SYNE2: variants seen among roughly 807,000 people sequenced by gnomAD.
SYNE2 encodes spectrin repeat containing nuclear envelope protein 2, also known as nesprin-2.
Under a neutral mutation model 856.3 loss-of-function variants are expected in SYNE2, and 431 were observed. That is an observed-to-expected ratio of 0.50 (90% CI 0.47 to 0.55). SYNE2 has a LOEUF of 0.55. Among genes scored for constraint, SYNE2 ranks in the 20% least tolerant of loss-of-function variants. SYNE2 has a pLI of 0.00. For missense variants in SYNE2, 8,129 were observed against 8,023.2 expected (o/e 1.01, Z -0.50); for synonymous variants, 2,923 against 2,872.3 (o/e 1.02, Z -0.56).
chr14:63,825,762 C>T (rs1889405172), intron 1 of SYNE2, among the ~76,000 whole-genome samples: 1 of 152,058 alleles, frequency 6.6e-6, no homozygotes, highest in Non-Finnish European at 1.5e-5. Context: ...GTAATCCCAG[C>T]TACTCGGGAG....
chr14:63,770,803 A>T (rs575905653), intron 1 of SYNE2, among the ~76,000 whole-genome samples: 1 of 152,248 alleles, frequency 6.6e-6, no homozygotes, highest in Non-Finnish European at 1.5e-5. Context: ...TGTGTGAGCC[A>T]CTGTGCCCAA....
chr14:64,139,181 C>G (rs993091414), intron 79 of SYNE2, among the ~76,000 whole-genome samples: 1 of 151,882 alleles, frequency 6.6e-6, no homozygotes, highest in Non-Finnish European at 1.5e-5. Flanking sequence ...TGGGGTTTTT[C>G]CATGTTGCCC....
chr14:64,204,189 T>C (rs2098594308), intron 100 of SYNE2, among the ~76,000 whole-genome samples: 1 of 152,248 alleles, frequency 6.6e-6, no homozygotes, highest in African/African-American at 2.4e-5. Flanking sequence ...CTAGGCTCTG[T>C]CTTTGCTTTG....
In SYNE2 at chr14:64,220,362, C is replaced by G. The variant is rs975884187; in HGVS notation, c.19861-75C>G. The G allele has an allele frequency of 5.9e-6, 9 of 1,521,538 alleles. No homozygotes were observed. The African/African-American group carries it at 1.1e-4, about 19-fold the overall frequency. The allele number at this position is 1,521,538 out of a possible 1,614,324, so 94.3% of individuals were successfully genotyped here. On this transcript the variant is annotated intron_variant, in intron 110 of 115. Transcript: ENST00000555002. ...TGGAAAAGTGTGTGGAAAATTTGTTCCCTACTGAGGTTCAAAATGAGCCCC... is the reference window on the plus strand; with the variant it reads ...TGGAAAAGTGTGTGGAAAATTTGTTGCCTACTGAGGTTCAAAATGAGCCCC...
rs188749428 is a variant in SYNE2 at position 63,917,264 on chromosome 14, G to T, written c.79+8037G>T. Among the ~76,000 whole-genome samples the T allele has an allele frequency of 1.2e-3, 185 of 152,202 alleles. 3 individuals are homozygous for T. Among genetic ancestry groups the T allele is most frequent in the Admixed American group, 0.011 (166 of 15,282 alleles). ...TAACCAATTCAGATTACTCAGTTATGATAAATAAAAGCAAATTATCTTTGG... is the reference window on the plus strand; with the variant it reads ...TAACCAATTCAGATTACTCAGTTATTATAAATAAAAGCAAATTATCTTTGG... On this transcript the variant is annotated intron_variant, in intron 2 of 115. Transcript: ENST00000555002.
intron 1 of SYNE2, chr14:63,762,024 TA>T: frequency 2.1e-6 from 1 of 486,888 alleles, no homozygotes. Flanking sequence ...TGTGTGAATA[TA>T]AGCTAGTCGT....
intron 61 of SYNE2, among the ~76,000 whole-genome samples, chr14:64,096,210 A>C (rs1023033512): frequency 6.6e-6 from 1 of 152,190 alleles, no homozygotes; most frequent in African/African-American, 2.4e-5. Context: ...TATTTTTATC[A>C]AGGACATTCT....
intron 96 of SYNE2, among the ~76,000 whole-genome samples, chr14:64,183,335 C>T (rs1329469253): frequency 3.5e-4 from 53 of 149,320 alleles, no homozygotes; most frequent in African/African-American, 1.3e-3. Context: ...AGGGCAGAGG[C>T]GCTCCCCACA....
At chr14:64,122,164 C>T in intron 69 of SYNE2, 31 bp downstream of exon 69, 4 of 1,614,120 alleles carry the variant, frequency 2.5e-6, no homozygotes, top group Non-Finnish European at 3.4e-6. Context: ...GTTGGTCATT[C>T]AGTGGTTTTA....
At chr14:63,983,593 T>C (rs2153476008) in intron 17 of SYNE2, 144 bp from the exon 18 acceptor site, 1 of 705,318 alleles carries the variant, frequency 1.4e-6, no homozygotes, top group Non-Finnish European at 2.4e-6. Flanking sequence ...AGGTGTTTTA[T>C]GTGAAATGCT....
At chr14:64,002,104 TG>T (rs1424394849) in intron 29 of SYNE2, 23 bp downstream of exon 29, 1 of 1,564,562 alleles carries the variant, frequency 6.4e-7, no homozygotes, top group South Asian at 1.1e-5. Flanking sequence ...GTTCTCACAG[TG>T]TATTTACAGA....
chr14:64,002,292 G>C (rs1030658437), intron 29 of SYNE2, among the ~76,000 whole-genome samples: 1 of 151,850 alleles, frequency 6.6e-6, no homozygotes, highest in Admixed American at 6.6e-5. Context: ...TGCATAGTGA[G>C]GTATTTTCTT....
intron 1 of SYNE2, among the ~76,000 whole-genome samples, chr14:63,840,785 G>A (rs1316599668): frequency 2.0e-5 from 3 of 152,110 alleles, no homozygotes; most frequent in African/African-American, 7.2e-5. Flanking sequence ...GGCCGAGGCA[G>A]GCGGATCCCC....
At chr14:63,776,964 A>G (rs1044134467) in intron 1 of SYNE2, among the ~76,000 whole-genome samples, 6 of 152,214 alleles carry the variant, frequency 3.9e-5, no homozygotes, top group Admixed American at 1.3e-4. Context: ...CTATAGGCAA[A>G]CAAACTAAAA....
chr14:63,769,668 C>CAA (rs373323502), intron 1 of SYNE2, among the ~76,000 whole-genome samples: 172 of 86,144 alleles, frequency 2.0e-3, no homozygotes, highest in Middle Eastern at 0.01. Context: ...GACTCCATCT[C>CAA]AAAAAAAAAA....
rs1423681534 is a variant in SYNE2, at chr14:64,024,423, C to G, written c.5804C>G (p.Ala1935Gly). ...ATGGAGTCCATATGCCAGGCTCGAG[C>G]AAAGGAGCTTGAAGACTCCTTGCAG... Reference protein sequence around the residue: ...EKMESICQARAKELEDSLQQL... With the variant: ...EKMESICQARGKELEDSLQQL... The change falls in exon 39 of 116, where the codon GCA becomes GGA. Residue 1935 changes from alanine to glycine, a missense_variant. Physicochemically the swap from Ala to Gly is moderately conservative, Grantham distance 60. This residue lies in a region of SYNE2 where 2,422 missense variants were observed against 2,357.4 expected (regional missense o/e 1.03). Coordinates refer to ENST00000555002, the MANE Select transcript of SYNE2 (RefSeq NM_182914.3). 1 of 1,614,052 alleles carries G rather than the reference C, an allele frequency of 6.2e-7. No individual in the cohort carries two copies. The highest frequency in any genetic ancestry group is 1.3e-5 in the African/African-American group (1 of 75,020).
intron 1 of SYNE2, among the ~76,000 whole-genome samples, chr14:63,784,167 T>A (rs1366382576): frequency 6.6e-6 from 1 of 152,190 alleles, no homozygotes; most frequent in Non-Finnish European, 1.5e-5. Context: ...AGGAATTCCC[T>A]ATACTATTCT....
At chr14:63,986,403 A>G in intron 18 of SYNE2, 53 bp from the exon 19 acceptor site, 2 of 1,599,308 alleles carry the variant, frequency 1.3e-6, no homozygotes, top group Non-Finnish European at 1.7e-6. Flanking sequence ...AAGGAAAATT[A>G]TTTTGTTATG....
rs1284991576 is a variant in SYNE2 at position 64,119,454 on chromosome 14, G to T, written c.12868G>T (p.Val4290Phe). ...TATGCTAACAGAGATTGAGCACAAG[G>T]TTGCCTTTCTGTTAGAGACTTGCAA... ...QAMLTEIEHK[V>F]AFLLETCKDQ... Residue 4290 changes from valine (V) to phenylalanine (F), a missense_variant, in exon 67 of 116, where the codon GTT becomes TTT. By Grantham distance (50) the Val-to-Phe change is conservative. Around this residue, in one of 3 missense-constraint regions of SYNE2, gnomAD observed 5,410 missense variants for 5,284.8 expected, o/e 1.02. Transcript: ENST00000555002. 1 of 1,614,178 alleles carries T rather than the reference G, an allele frequency of 6.2e-7. No individual in the cohort carries two copies. Among genetic ancestry groups the T allele is most frequent in the South Asian group, 1.1e-5 (1 of 91,080 alleles).
Sources: allele counts gnomAD v4.1 joint callset (sites outside exome capture counted in the v4.1 genomes callset), GRCh38; gene constraint gnomAD v4.1.1; regional missense constraint gnomAD v4.1.1; transcripts MANE v1.5; gene names NCBI Gene and HGNC (gene_info 2026-07-23, HGNC 2026-07-21).